The following OPCML variants were observed in gnomAD, a reference collection of about 807,000 sequenced individuals.
OPCML encodes opioid-binding protein/cell adhesion molecule.
Under a neutral mutation model 37.8 loss-of-function variants are expected in OPCML, and 13 were observed. The observed-to-expected ratio is 0.34, with a 90% CI of 0.22 to 0.55. OPCML has a LOEUF of 0.55. Among genes scored for constraint, OPCML ranks in the 20% least tolerant of loss-of-function variants. The pLI, the probability that OPCML is intolerant of heterozygous loss-of-function variation, is 0.91. For synonymous variants in OPCML, 176 were observed against 168.8 expected, an observed-to-expected ratio of 1.04 and a Z score of -0.33; for missense variants, 341 against 435.6, an observed-to-expected ratio of 0.78 and a Z score of 1.93.
chr11:133,518,647 GGCTGT>G, intron 1 of OPCML, among the ~76,000 whole-genome samples: 3 of 149,640 alleles, frequency 2.0e-5, no homozygotes, highest in African/African-American at 7.5e-5. Flanking sequence ...GTGTGTGTGG[GGCTGT>G]GGCGTGGGCA....
chr11:132,724,773 C>A (rs1397722598), intron 2 of OPCML, among the ~76,000 whole-genome samples: 1 of 152,164 alleles, frequency 6.6e-6, no homozygotes, highest in Admixed American at 6.5e-5. Flanking sequence ...TACAGCCATT[C>A]CAAACGGAAG....
chr11:132,802,617 G>A (rs1393210119), intron 2 of OPCML, among the ~76,000 whole-genome samples: 1 of 114,832 alleles, frequency 8.7e-6, no homozygotes, highest in African/African-American at 3.2e-5. Context: ...GCAGAAATAT[G>A]CAAAAAAAAT....
chr11:133,418,639 C>A, intron 1 of OPCML: 1 of 178,910 alleles, frequency 5.6e-6, no homozygotes, highest in Non-Finnish European at 1.1e-5. Flanking sequence ...ATAGTTTAAT[C>A]TTAAACTCCT....
chr11:132,705,877 G>A (rs1337220752), intron 2 of OPCML, among the ~76,000 whole-genome samples: 4 of 151,910 alleles, frequency 2.6e-5, no homozygotes, highest in East Asian at 1.9e-4. Flanking sequence ...GCACAATCTC[G>A]GCCCACTGCA....
chr11:132,954,662 G>A (rs1371660418), intron 1 of OPCML, among the ~76,000 whole-genome samples: 2 of 152,170 alleles, frequency 1.3e-5, no homozygotes, highest in East Asian at 3.9e-4. Context: ...TTGAGCCTGA[G>A]CAAGAGACAA....
At chr11:132,604,301 G>A (rs1938128209) in intron 3 of OPCML, among the ~76,000 whole-genome samples, 1 of 151,802 alleles carries the variant, frequency 6.6e-6, no homozygotes, top group Admixed American at 6.6e-5. Flanking sequence ...AATACAGGGA[G>A]GAGTCCGTGC....
At chr11:133,041,190 A>C (rs540540577) in intron 1 of OPCML, among the ~76,000 whole-genome samples, 2 of 152,322 alleles carry the variant, frequency 1.3e-5, no homozygotes, top group African/African-American at 4.8e-5. Flanking sequence ...TTTGGTTTTA[A>C]TCTGTGTGAT....
chr11:133,251,948 C>T (rs1485958192), intron 1 of OPCML, among the ~76,000 whole-genome samples: 2 of 152,134 alleles, frequency 1.3e-5, no homozygotes, highest in Non-Finnish European at 2.9e-5. Context: ...AGAGATTCTA[C>T]CTAGAAACGC....
intron 1 of OPCML, among the ~76,000 whole-genome samples, chr11:133,040,309 C>T (rs892826802): frequency 6.6e-6 from 1 of 152,184 alleles, no homozygotes; most frequent in African/African-American, 2.4e-5. Flanking sequence ...CTAACATTCA[C>T]CCCACCTACC....
chr11:132,545,814 T>A (rs941369244), intron 3 of OPCML, among the ~76,000 whole-genome samples: 10 of 152,256 alleles, frequency 6.6e-5, no homozygotes, highest in African/African-American at 2.2e-4. Flanking sequence ...ATAGTTTATC[T>A]AACTAGTGCC....
At chr11:133,531,114 C>T (rs1402338635) in intron 1 of OPCML, among the ~76,000 whole-genome samples, 1 of 152,166 alleles carries the variant, frequency 6.6e-6, no homozygotes, top group Non-Finnish European at 1.5e-5. Context: ...CCTGACTGTG[C>T]GACGGTTTGG....
chr11:133,511,046 C>T (rs76421998), intron 1 of OPCML, among the ~76,000 whole-genome samples: 9,976 of 152,196 alleles, frequency 0.066, 1,110 homozygotes, highest in African/African-American at 0.23. Flanking sequence ...AACTCCATTG[C>T]GATTGGTGTC....
intron 4 of OPCML, among the ~76,000 whole-genome samples, chr11:132,505,698 G>T (rs1246736658): frequency 1.3e-5 from 2 of 152,160 alleles, no homozygotes; most frequent in Non-Finnish European, 2.9e-5. Context: ...CAAATCAACA[G>T]AGTGAATTTC....
chr11:133,126,237 G>A (rs555740444), intron 1 of OPCML, among the ~76,000 whole-genome samples: 2 of 152,164 alleles, frequency 1.3e-5, no homozygotes, highest in East Asian at 1.9e-4. Flanking sequence ...GGAGCATTAA[G>A]GTTCCAGGTC....
chr11:133,497,619 C>T (rs1947813245), intron 1 of OPCML, among the ~76,000 whole-genome samples: 1 of 152,124 alleles, frequency 6.6e-6, no homozygotes, highest in Non-Finnish European at 1.5e-5. Flanking sequence ...AACAGCATTT[C>T]TCCTTTGGGC....
chr11:133,232,776 G>T (rs1248893712), intron 1 of OPCML, among the ~76,000 whole-genome samples: 1 of 152,180 alleles, frequency 6.6e-6, no homozygotes, highest in Non-Finnish European at 1.5e-5. Context: ...GGGGGAAAGA[G>T]GAGGGGAAAA....
intron 1 of OPCML, among the ~76,000 whole-genome samples, chr11:132,969,025 T>G (rs1376204925): frequency 6.6e-6 from 1 of 152,154 alleles, no homozygotes; most frequent in Non-Finnish European, 1.5e-5. Context: ...CATAGGTTTT[T>G]GGAAACAGGT....
At chr11:132,649,271 T>C (rs1258363015) in intron 3 of OPCML, among the ~76,000 whole-genome samples, 1 of 152,088 alleles carries the variant, frequency 6.6e-6, no homozygotes, top group Non-Finnish European at 1.5e-5. Context: ...GAAATCTGTT[T>C]TTTTTTCTTT....
At chr11:133,163,137 T>C (rs1565480860) in intron 1 of OPCML, among the ~76,000 whole-genome samples, 1 of 152,204 alleles carries the variant, frequency 6.6e-6, no homozygotes, top group Non-Finnish European at 1.5e-5. Context: ...CTTAATATGT[T>C]TCTTGTGTTT....
Sources: allele counts gnomAD v4.1 joint callset (sites outside exome capture counted in the v4.1 genomes callset), GRCh38; gene constraint gnomAD v4.1.1; transcripts MANE v1.5; gene names NCBI Gene and HGNC (gene_info 2026-07-23, HGNC 2026-07-21).